Variants in TRPM1 observed in about 807,000 individuals in gnomAD.
TRPM1 encodes the protein TRPM1-203 APA Isoform, Intron 10.
Under a neutral mutation model 149.4 loss-of-function variants are expected in TRPM1, and 113 were observed. The ratio of observed to expected loss-of-function variants is 0.76; its 90% CI spans 0.65 to 0.88. The LOEUF (loss-of-function observed/expected upper bound fraction) is 0.88, where lower values mean the gene tolerates loss of function less well. Ranked by LOEUF, TRPM1 falls within the 40% of genes least tolerant of loss-of-function variation. The pLI, the probability that TRPM1 is intolerant of heterozygous loss-of-function variation, is 0.00. For missense variants in TRPM1, 1,976 were observed against 2,038.7 expected, an observed-to-expected ratio of 0.97 and a Z score of 0.59; for synonymous variants, 741 against 759.5, an observed-to-expected ratio of 0.98 and a Z score of 0.40.
chr15:31,158,566 G>A (rs2036406128), intron 1 of TRPM1, among the ~76,000 whole-genome samples: 1 of 147,314 alleles, frequency 6.8e-6, no homozygotes, highest in African/African-American at 2.5e-5. Flanking sequence ...GGTGGAGGTT[G>A]CAGTGAACTG....
intron 17 of TRPM1, 45 bp downstream of exon 17, chr15:31,041,906 G>A (rs1596009849): frequency 6.2e-7 from 1 of 1,608,870 alleles, no homozygotes; most frequent in Non-Finnish European, 8.5e-7. Flanking sequence ...CAAGTACTCA[G>A]GATGGTCATC....
At chr15:31,094,140 G>A (rs1257703623) in intron 1 of TRPM1, among the ~76,000 whole-genome samples, 1 of 152,088 alleles carries the variant, frequency 6.6e-6, no homozygotes, top group African/African-American at 2.4e-5. Flanking sequence ...AATAGTGCTT[G>A]GAAAATTGGA....
chr15:31,124,738 A>G (rs537381023), intron 1 of TRPM1, among the ~76,000 whole-genome samples: 10 of 151,930 alleles, frequency 6.6e-5, no homozygotes, highest in Non-Finnish European at 1.5e-4. Flanking sequence ...TTATAGAGAC[A>G]TTAAAAAGAT....
At chr15:31,160,093 G>C (rs539146895) in intron 1 of TRPM1, among the ~76,000 whole-genome samples, 6 of 152,322 alleles carry the variant, frequency 3.9e-5, no homozygotes, top group Admixed American at 1.3e-4. Context: ...GGGCATGCAA[G>C]TGGTGTCCAG....
chr15:31,096,548 C>T (rs866120131), intron 1 of TRPM1, among the ~76,000 whole-genome samples: 7 of 152,276 alleles, frequency 4.6e-5, no homozygotes, highest in Middle Eastern at 3.4e-3. Flanking sequence ...CAGCTCACTC[C>T]GAAAAGCACA....
At chr15:31,072,447 C>T (rs2034585059) in intron 3 of TRPM1, among the ~76,000 whole-genome samples, 1 of 152,136 alleles carries the variant, frequency 6.6e-6, no homozygotes, top group African/African-American at 2.4e-5. Context: ...GGGCTATTCG[C>T]ACTCTTCAGC....
At chr15:31,093,033 G>A (rs1261737332) in intron 1 of TRPM1, among the ~76,000 whole-genome samples, 2 of 152,168 alleles carry the variant, frequency 1.3e-5, no homozygotes, top group Non-Finnish European at 2.9e-5. Context: ...GGCTGAGGCG[G>A]GTGGATCACC....
rs1323741666 is a variant in TRPM1 at position 31,112,449 on chromosome 15, GTCTGGGT to G, written c.55-35472_55-35466del. Among the ~76,000 whole-genome samples the G allele has an allele frequency of 3.3e-5, 5 of 152,340 alleles. No homozygotes were observed. The South Asian group carries it at 8.3e-4, about 25-fold the overall frequency. ...GCCGAGATCGTGCCACTGCACTCCA[GTCTGGGT>G]TCTTGAGCAAATAACACCCTAGTTA... On this transcript the variant is annotated intron_variant, in intron 1 of 26. Transcript: ENST00000542188.
In TRPM1 at chr15:31,035,644, T is replaced by G; in HGVS notation, c.2602A>C (p.Asn868His). The G allele has an allele frequency of 6.2e-7, 1 of 1,614,180 alleles. No individual in the cohort carries two copies. Among genetic ancestry groups the G allele is most frequent in the Non-Finnish European group, 8.5e-7 (1 of 1,180,032 alleles). ...TCCATCCGCACCAGGATGACGTAGTTAAACAGCAGCAGGTAGCCCAAGTAT... is the reference window on the plus strand; with the variant it reads ...TCCATCCGCACCAGGATGACGTAGTGAAACAGCAGCAGGTAGCCCAAGTAT... ...ISYLGYLLLFNYVILVRMDGW... is the reference protein window; with the variant it reads ...ISYLGYLLLFHYVILVRMDGW... The change falls in exon 21 of 28, where the codon AAC (asparagine) becomes CAC (histidine). Residue 868 changes from asparagine (N) to histidine (H), a missense_variant. This residue lies in a region of TRPM1 where 1,332 missense variants were observed against 1,347.1 expected (regional missense o/e 0.99). Transcript: ENST00000256552.
At chr15:31,017,921 C>A (rs1395375715) in intron 27 of TRPM1, among the ~76,000 whole-genome samples, 1 of 152,184 alleles carries the variant, frequency 6.6e-6, no homozygotes, top group Non-Finnish European at 1.5e-5. Flanking sequence ...AACATAAGGT[C>A]CAAACTCATG....
At chr15:31,094,456 G>T (rs1356027566) in intron 1 of TRPM1, among the ~76,000 whole-genome samples, 6 of 152,120 alleles carry the variant, frequency 3.9e-5, no homozygotes, top group African/African-American at 1.4e-4. Flanking sequence ...TACGATATTT[G>T]CAAATCAAAA....
chr15:31,157,931 G>A (rs1366503590), intron 1 of TRPM1, among the ~76,000 whole-genome samples: 5 of 152,074 alleles, frequency 3.3e-5, no homozygotes, highest in African/African-American at 1.2e-4. Flanking sequence ...GTGCAGAGGG[G>A]TGCTGCTTTC....
At chr15:31,007,197 A>AT (rs1264994743) in intron 27 of TRPM1, among the ~76,000 whole-genome samples, 1 of 152,078 alleles carries the variant, frequency 6.6e-6, no homozygotes, top group African/African-American at 2.4e-5. Flanking sequence ...TGTTGAGATC[A>AT]TTTTTTGCAT....
intron 1 of TRPM1, among the ~76,000 whole-genome samples, chr15:31,141,572 T>C (rs1446666291): frequency 1.3e-5 from 2 of 152,224 alleles, no homozygotes; most frequent in East Asian, 3.8e-4. Context: ...TAAGTGTGTA[T>C]TTTTGATAGA....
intron 3 of TRPM1, among the ~76,000 whole-genome samples, chr15:31,070,678 C>G (rs1404149482): frequency 6.6e-6 from 1 of 152,102 alleles, no homozygotes; most frequent in African/African-American, 2.4e-5. Context: ...CCTCAGCCTC[C>G]CTAGTAACTG....
At chr15:31,093,777 A>G (rs2035304617) in intron 1 of TRPM1, among the ~76,000 whole-genome samples, 1 of 151,794 alleles carries the variant, frequency 6.6e-6, no homozygotes, top group Admixed American at 6.6e-5. Context: ...AATTTTTTTT[A>G]TTTTTAGTAG....
intron 20 of TRPM1, among the ~76,000 whole-genome samples, chr15:31,037,482 T>G (rs965956595): frequency 6.6e-6 from 1 of 152,244 alleles, no homozygotes; most frequent in Non-Finnish European, 1.5e-5. Flanking sequence ...CTATTTTGCC[T>G]TATGAGATGG....
chr15:31,011,816 C>T (rs1410903387), intron 27 of TRPM1, among the ~76,000 whole-genome samples: 1 of 152,000 alleles, frequency 6.6e-6, no homozygotes, highest in East Asian at 1.9e-4. Flanking sequence ...AGGCATGTGC[C>T]ACCACACAGG....
rs2034856626 is a variant in TRPM1, at chr15:31,081,458, G to A, written c.-83-20C>T. 6.7e-7 allele frequency: 1 copy of A among 1,485,212 alleles called. No individual in the cohort carries two copies. Among genetic ancestry groups the A allele is most frequent in the African/African-American group, 1.4e-5 (1 of 71,722 alleles). The allele number at this position is 1,485,212 out of a possible 1,614,324, so 92.0% of individuals were successfully genotyped here. A position where few individuals can be genotyped will look rare whatever the true frequency, so the allele number is the denominator to read the frequency against. ...TAGAACCTACGAGGATAAACAAGAG[G>A]AGTAAGAGTCACTTTGCCTGCAGCC... On this transcript the variant is annotated intron_variant, in intron 1 of 27. Transcript: ENST00000256552.
Sources: gnomAD v4.1 joint callset for allele counts (sites outside exome capture counted in the v4.1 genomes callset) on GRCh38, gnomAD v4.1.1 for gene constraint, gnomAD v4.1.1 regional missense constraint, MANE v1.5 for transcripts, NCBI Gene and HGNC (gene_info 2026-07-23, HGNC 2026-07-21) for gene names.